The following SPATA16 variants were observed in gnomAD, a reference collection of about 807,000 sequenced individuals.
The protein encoded by SPATA16 is spermatogenesis-associated protein 16.
Under a neutral mutation model 63.3 loss-of-function variants are expected in SPATA16, and 36 were observed. The observed-to-expected ratio is 0.57, with a 90% CI of 0.44 to 0.75. The LOEUF is 0.75. SPATA16 is among the 30% of genes least tolerant of loss of function. SPATA16 has a pLI of 0.00. For missense variants in SPATA16, 646 were observed against 679.3 expected, an observed-to-expected ratio of 0.95 and a Z score of 0.54; for synonymous variants, 203 against 216.7, an observed-to-expected ratio of 0.94 and a Z score of 0.56.
intron 4 of SPATA16, among the ~76,000 whole-genome samples, chr3:172,995,743 A>G (rs1454301348): frequency 6.6e-6 from 1 of 152,102 alleles, no homozygotes; most frequent in Admixed American, 6.6e-5. Context: ...CAAACAAGCT[A>G]TTTTAAACAA....
chr3:172,901,268 C>T (rs1228044053), intron 10 of SPATA16, among the ~76,000 whole-genome samples: 4 of 152,136 alleles, frequency 2.6e-5, no homozygotes, highest in South Asian at 2.1e-4. Context: ...CGCATGATCT[C>T]GCATCACTGC....
At chr3:173,100,660 G>GCACACACACA (rs3980195) in intron 2 of SPATA16, among the ~76,000 whole-genome samples, 18 of 134,074 alleles carry the variant, frequency 1.3e-4, no homozygotes, top group Admixed American at 3.0e-4. Context: ...CACATAAACA[G>GCACACACACA]CACACACACA....
At chr3:173,127,094 C>T (rs934150284) in intron 1 of SPATA16, among the ~76,000 whole-genome samples, 7 of 152,132 alleles carry the variant, frequency 4.6e-5, no homozygotes, top group Non-Finnish European at 7.4e-5. Context: ...AAAAGTTGTA[C>T]GAATATCAAG....
At chr3:173,132,503 A>G (rs527520184) in intron 1 of SPATA16, among the ~76,000 whole-genome samples, 2 of 152,308 alleles carry the variant, frequency 1.3e-5, no homozygotes, top group East Asian at 3.9e-4. Context: ...GCATAAGACA[A>G]TAATAGAAAT....
intron 4 of SPATA16, among the ~76,000 whole-genome samples, chr3:173,001,031 C>A (rs1734810997): frequency 6.6e-6 from 1 of 152,178 alleles, no homozygotes; most frequent in Non-Finnish European, 1.5e-5. Context: ...ATGTCTGATT[C>A]TGGCTCTGAT....
At chr3:173,065,218 A>G (rs562352785) in intron 2 of SPATA16, among the ~76,000 whole-genome samples, 1 of 152,276 alleles carries the variant, frequency 6.6e-6, no homozygotes, top group Admixed American at 6.5e-5. Context: ...ACAACAGTCC[A>G]CAAACTTATT....
At chr3:173,111,466 A>G (rs1297647810) in intron 2 of SPATA16, among the ~76,000 whole-genome samples, 14 of 152,196 alleles carry the variant, frequency 9.2e-5, no homozygotes, top group Admixed American at 9.2e-4. Context: ...AGTTTAAGAA[A>G]TGCATACTGG....
chr3:172,932,179 C>T (rs1030628700), intron 6 of SPATA16, among the ~76,000 whole-genome samples: 3 of 152,140 alleles, frequency 2.0e-5, no homozygotes, highest in African/African-American at 4.8e-5. Context: ...TTCTGTTGGA[C>T]ACCTCATCAT....
chr3:172,978,505 C>T (rs1734220790), intron 4 of SPATA16, among the ~76,000 whole-genome samples: 1 of 152,110 alleles, frequency 6.6e-6, no homozygotes, highest in Non-Finnish European at 1.5e-5. Context: ...TTAATAAATT[C>T]TGAATTTAAG....
chr3:172,911,689 C>T (rs1732374808), intron 10 of SPATA16, among the ~76,000 whole-genome samples: 1 of 152,246 alleles, frequency 6.6e-6, no homozygotes, highest in South Asian at 2.1e-4. Flanking sequence ...AAACCTTTCC[C>T]TATTCCCTGC....
chr3:173,001,676 A>G (rs984402091), intron 4 of SPATA16, among the ~76,000 whole-genome samples: 1 of 152,054 alleles, frequency 6.6e-6, no homozygotes, highest in Non-Finnish European at 1.5e-5. Context: ...TGAGGTTTCC[A>G]CTCAGGGTTT....
chr3:173,017,013 C>CA (rs5854498), intron 4 of SPATA16, among the ~76,000 whole-genome samples: 8 of 140,206 alleles, frequency 5.7e-5, no homozygotes, highest in African/African-American at 2.1e-4. Flanking sequence ...AAGACTGTCT[C>CA]AAAAAAAAAA....
At position 172,924,189 on chromosome 3, in the gene SPATA16, A is replaced by T. The variant is rs1424568309; in HGVS notation, c.1338+19T>A. 2 of 1,552,532 alleles carry T rather than the reference A, an allele frequency of 1.3e-6. No individual in the cohort carries two copies. The highest frequency in any genetic ancestry group is 1.7e-5 in the Admixed American group (1 of 59,918). ...TAATATTTGTACATTGGACAAATAT[A>T]AAAGACTCATATACCTACATTCAAT... On this transcript the variant is annotated intron_variant, in intron 8 of 10. Coordinates refer to ENST00000351008, the MANE Select transcript of SPATA16 (RefSeq NM_031955.6).
At chr3:173,021,312 G>A (rs911430962) in intron 3 of SPATA16, among the ~76,000 whole-genome samples, 4 of 152,166 alleles carry the variant, frequency 2.6e-5, no homozygotes, top group African/African-American at 7.2e-5. Flanking sequence ...ACAGAGCATT[G>A]TATTATATCA....
intron 5 of SPATA16, among the ~76,000 whole-genome samples, chr3:172,961,465 G>A (rs146433079): frequency 0.066 from 10,023 of 152,086 alleles, 1,028 homozygotes; most frequent in African/African-American, 0.22. Context: ...TGTGATCTCG[G>A]CTCACTGCAA....
chr3:173,092,787 A>C (rs1344952237), intron 2 of SPATA16, among the ~76,000 whole-genome samples: 1 of 152,164 alleles, frequency 6.6e-6, no homozygotes, highest in East Asian at 1.9e-4. Context: ...TTAACCACAG[A>C]AAACAAATAC....
intron 2 of SPATA16, among the ~76,000 whole-genome samples, chr3:173,077,921 CT>C (rs1266014704): frequency 6.6e-6 from 1 of 152,030 alleles, no homozygotes; most frequent in East Asian, 1.9e-4. Context: ...ATAAATATTT[CT>C]ACCTTAATAT....
intron 4 of SPATA16, among the ~76,000 whole-genome samples, chr3:173,007,179 A>G (rs994302719): frequency 5.3e-5 from 8 of 152,244 alleles, no homozygotes; most frequent in African/African-American, 1.9e-4. Context: ...CCAAGAGCTT[A>G]TAAGACTGCA....
intron 4 of SPATA16, among the ~76,000 whole-genome samples, chr3:173,007,773 C>CTT (rs796325885): frequency 2.1e-5 from 3 of 142,932 alleles, no homozygotes; most frequent in Non-Finnish European, 1.5e-5. Flanking sequence ...TAAAATACAT[C>CTT]TTTTTTTTTT....
Sources: allele counts gnomAD v4.1 joint callset (sites outside exome capture counted in the v4.1 genomes callset), GRCh38; gene constraint gnomAD v4.1.1; transcripts MANE v1.5; gene names NCBI Gene and HGNC (gene_info 2026-07-23, HGNC 2026-07-21).